Variants in ADARB2 observed in about 807,000 individuals in gnomAD.
The protein encoded by ADARB2 is inactive double-stranded RNA-specific editase B2.
In ADARB2, 25 loss-of-function variants were observed where a neutral mutation model predicts 62.2. That is an observed-to-expected ratio of 0.40 (90% CI 0.29 to 0.56). The LOEUF is 0.56. ADARB2 is among the 20% of genes least tolerant of loss of function. The pLI, the probability that ADARB2 is intolerant of heterozygous loss-of-function variation, is 0.43. For missense variants in ADARB2, 1,071 were observed against 1,077.4 expected (o/e 0.99, Z 0.08); for synonymous variants, 572 against 500.8 (o/e 1.14, Z -1.90).
chr10:1,724,328 G>C (rs772359453), intron 1 of ADARB2, among the ~76,000 whole-genome samples: 1 of 152,170 alleles, frequency 6.6e-6, no homozygotes, highest in African/African-American at 2.4e-5. Context: ...TAACTGTAAA[G>C]AGCTGTTATC....
intron 7 of ADARB2, among the ~76,000 whole-genome samples, chr10:1,210,102 T>C (rs553836105): frequency 6.6e-6 from 1 of 152,346 alleles, no homozygotes; most frequent in Admixed American, 6.5e-5. Flanking sequence ...TGCATTACTT[T>C]TGATCTGTAG....
chr10:1,425,054 C>T (rs939118669), intron 1 of ADARB2, among the ~76,000 whole-genome samples: 1 of 152,116 alleles, frequency 6.6e-6, no homozygotes, highest in Non-Finnish European at 1.5e-5. Context: ...GGGGTGCGTG[C>T]GTGGAAGCCT....
intron 1 of ADARB2, among the ~76,000 whole-genome samples, chr10:1,550,094 C>T (rs552167394): frequency 6.6e-6 from 1 of 152,300 alleles, no homozygotes; most frequent in African/African-American, 2.4e-5. Context: ...AGATTTTTCC[C>T]TCTTTCCAAT....
At chr10:1,187,010 C>T (rs978055602) in intron 8 of ADARB2, among the ~76,000 whole-genome samples, 10 of 152,384 alleles carry the variant, frequency 6.6e-5, no homozygotes, top group South Asian at 4.1e-4. Context: ...GCTTCATCCA[C>T]GAGCCTGAGC....
At chr10:1,501,507 G>A (rs923858725) in intron 1 of ADARB2, among the ~76,000 whole-genome samples, 1 of 152,114 alleles carries the variant, frequency 6.6e-6, no homozygotes, top group Non-Finnish European at 1.5e-5. Context: ...CATTAGAATG[G>A]CTCTTTCTCT....
At chr10:1,733,333 A>G (rs1191690118) in intron 1 of ADARB2, among the ~76,000 whole-genome samples, 1 of 152,228 alleles carries the variant, frequency 6.6e-6, no homozygotes, top group African/African-American at 2.4e-5. Flanking sequence ...CATTTTACAC[A>G]TTGTACACAG....
intron 1 of ADARB2, among the ~76,000 whole-genome samples, chr10:1,412,735 G>C (rs1316317366): frequency 1.3e-5 from 2 of 152,184 alleles, no homozygotes; most frequent in Admixed American, 6.5e-5. Context: ...AGGTGGGTGT[G>C]GGGGCACGGC....
chr10:1,259,667 C>A (rs1831115064), intron 4 of ADARB2, among the ~76,000 whole-genome samples: 2 of 152,052 alleles, frequency 1.3e-5, no homozygotes, highest in South Asian at 4.1e-4. Flanking sequence ...AATAGCTTAC[C>A]AACCAAAAAA....
chr10:1,605,718 C>T (rs1469029431), intron 1 of ADARB2, among the ~76,000 whole-genome samples: 1 of 152,090 alleles, frequency 6.6e-6, no homozygotes, highest in Non-Finnish European at 1.5e-5. Flanking sequence ...AGGGCCCTTA[C>T]CTTTGAAAAG....
At chr10:1,620,782 C>G (rs147522257) in intron 1 of ADARB2, among the ~76,000 whole-genome samples, 1 of 152,188 alleles carries the variant, frequency 6.6e-6, no homozygotes, top group Non-Finnish European at 1.5e-5. Context: ...GTTAGATTTA[C>G]GCCTACAGTG....
At chr10:1,446,214 C>T (rs1035128971) in intron 1 of ADARB2, among the ~76,000 whole-genome samples, 1 of 152,190 alleles carries the variant, frequency 6.6e-6, no homozygotes, top group Non-Finnish European at 1.5e-5. Context: ...TGAACCTGTG[C>T]GTCTCCATTT....
At chr10:1,289,685 G>C (rs1008442078) in intron 3 of ADARB2, among the ~76,000 whole-genome samples, 1 of 152,218 alleles carries the variant, frequency 6.6e-6, no homozygotes, top group Non-Finnish European at 1.5e-5. Flanking sequence ...TCTGCCCCTC[G>C]CTTTGGTCTA....
chr10:1,270,812 C>G (rs1395867954), intron 4 of ADARB2, 143 bp downstream of exon 4: 1 of 705,036 alleles, frequency 1.4e-6, no homozygotes. Context: ...GGCCACTGAT[C>G]TCTGTATATG....
intron 1 of ADARB2, among the ~76,000 whole-genome samples, chr10:1,561,519 C>G (rs929421242): frequency 6.6e-6 from 1 of 152,166 alleles, no homozygotes; most frequent in African/African-American, 2.4e-5. Context: ...GAACAAAAGA[C>G]CAAATTAGAC....
At chr10:1,274,417 C>A (rs1008208514) in intron 3 of ADARB2, among the ~76,000 whole-genome samples, 5 of 152,214 alleles carry the variant, frequency 3.3e-5, no homozygotes, top group African/African-American at 1.2e-4. Context: ...GATTCCAGCA[C>A]ACGCTGTGCT....
chr10:1,557,220 A>G (rs1227647409), intron 1 of ADARB2, among the ~76,000 whole-genome samples: 1 of 104,760 alleles, frequency 9.5e-6, no homozygotes, highest in African/African-American at 3.4e-5. Context: ...TGGTGCCCCC[A>G]TCTTTGCCCA....
chr10:1,348,247 G>A (rs771353141), intron 3 of ADARB2, among the ~76,000 whole-genome samples: 14 of 152,172 alleles, frequency 9.2e-5, no homozygotes, highest in Non-Finnish European at 1.9e-4. Context: ...TCAGGAAACT[G>A]TCTGATGTCT....
intron 3 of ADARB2, among the ~76,000 whole-genome samples, chr10:1,345,412 C>T (rs981741157): frequency 3.9e-5 from 6 of 152,306 alleles, no homozygotes; most frequent in Admixed American, 3.9e-4. Context: ...AAGTCCACAT[C>T]CTCCAGCTTC....
intron 3 of ADARB2, among the ~76,000 whole-genome samples, chr10:1,280,657 G>A (rs1374785577): frequency 6.7e-6 from 1 of 150,238 alleles, no homozygotes; most frequent in Non-Finnish European, 1.5e-5. Context: ...GTGATGCTCC[G>A]TGATATTCCT....
Sources: gnomAD v4.1 joint callset for allele counts (sites outside exome capture counted in the v4.1 genomes callset) on GRCh38, gnomAD v4.1.1 for gene constraint, MANE v1.5 for transcripts, NCBI Gene and HGNC (gene_info 2026-07-23, HGNC 2026-07-21) for gene names.